TAFA2: variants seen among roughly 807,000 people sequenced by gnomAD.
TAFA2 encodes the protein TAFA chemokine like family member 2.
In TAFA2, 7 loss-of-function variants were observed where a neutral mutation model predicts 18.8. The ratio of observed to expected loss-of-function variants is 0.37; its 90% CI spans 0.21 to 0.70. The LOEUF (loss-of-function observed/expected upper bound fraction) is 0.70. Among genes scored for constraint, TAFA2 ranks in the 30% least tolerant of loss-of-function variants. The pLI is 0.53. For missense variants in TAFA2, 122 were observed against 158.1 expected, an observed-to-expected ratio of 0.77 and a Z score of 1.23; for synonymous variants, 60 against 54.2, an observed-to-expected ratio of 1.11 and a Z score of -0.47.
intron 2 of TAFA2, among the ~76,000 whole-genome samples, chr12:61,865,789 G>C (rs1874328157): frequency 6.6e-6 from 1 of 152,148 alleles, no homozygotes; most frequent in Admixed American, 6.5e-5. Flanking sequence ...ATGAACACTT[G>C]CTGTGCTAGG....
chr12:62,012,007 G>A (rs552126840), intron 1 of TAFA2, among the ~76,000 whole-genome samples: 29 of 152,218 alleles, frequency 1.9e-4, no homozygotes, highest in Non-Finnish European at 4.0e-4. Flanking sequence ...GTGTTTATAC[G>A]CTACTGACAA....
At chr12:62,194,381 C>A (rs1282182022), upstream of TAFA2, among the ~76,000 whole-genome samples, 1 of 151,780 alleles carries the variant, frequency 6.6e-6, no homozygotes, top group African/African-American at 2.4e-5. Flanking sequence ...AATTCATTAA[C>A]TTTTTGTGGT....
At chr12:62,140,917 T>G (rs1200097277) in intron 1 of TAFA2, among the ~76,000 whole-genome samples, 1 of 152,156 alleles carries the variant, frequency 6.6e-6, no homozygotes, top group Non-Finnish European at 1.5e-5. Flanking sequence ...AGAGAACAGA[T>G]GAGCCCCTGG....
At chr12:61,990,179 A>G (rs1195558912) in intron 1 of TAFA2, among the ~76,000 whole-genome samples, 1 of 152,118 alleles carries the variant, frequency 6.6e-6, no homozygotes, top group East Asian at 1.9e-4. Context: ...AGACAGCTGC[A>G]GTATAATGAA....
intron 1 of TAFA2, among the ~76,000 whole-genome samples, chr12:62,016,654 G>C (rs1315983112): frequency 6.6e-6 from 1 of 152,098 alleles, no homozygotes; most frequent in African/African-American, 2.4e-5. Flanking sequence ...AAGGCATACT[G>C]CAACAACATT....
At chr12:61,906,920 C>G (rs1162507821) in intron 1 of TAFA2, among the ~76,000 whole-genome samples, 3 of 152,020 alleles carry the variant, frequency 2.0e-5, no homozygotes, top group African/African-American at 7.2e-5. Context: ...TTTAGGGTAT[C>G]TGGCAGAAGA....
intron 1 of TAFA2, among the ~76,000 whole-genome samples, chr12:62,118,920 A>G (rs1458306288): frequency 6.6e-6 from 1 of 152,162 alleles, no homozygotes; most frequent in Non-Finnish European, 1.5e-5. Context: ...CTCTTTAATG[A>G]ACTAAAGCTT....
At chr12:61,769,032 G>A (rs140092075) in intron 2 of TAFA2, among the ~76,000 whole-genome samples, 2 of 152,032 alleles carry the variant, frequency 1.3e-5, no homozygotes, top group East Asian at 3.9e-4. Flanking sequence ...TTGTTCTTCA[G>A]GCTGCATGGA....
intron 1 of TAFA2, among the ~76,000 whole-genome samples, chr12:61,957,106 G>T (rs553759946): frequency 1.3e-5 from 2 of 152,110 alleles, no homozygotes; most frequent in South Asian, 4.1e-4. Context: ...TGTAAGTTCT[G>T]AGCTCACAAG....
At chr12:61,868,686 A>T (rs1000215552) in intron 1 of TAFA2, among the ~76,000 whole-genome samples, 38 of 152,156 alleles carry the variant, frequency 2.5e-4, no homozygotes, top group African/African-American at 9.2e-4. Context: ...GTATGACTAA[A>T]TGCATGAAAA....
At chr12:62,102,960 C>T (rs1869276107) in intron 1 of TAFA2, among the ~76,000 whole-genome samples, 1 of 152,284 alleles carries the variant, frequency 6.6e-6, no homozygotes, top group African/African-American at 2.4e-5. Context: ...ATGTTTCCCA[C>T]ATATATTCTG....
chr12:62,156,861 C>T (rs1035521567), intron 1 of TAFA2, among the ~76,000 whole-genome samples: 8 of 152,112 alleles, frequency 5.3e-5, no homozygotes, highest in African/African-American at 1.7e-4. Context: ...TAACTAAATA[C>T]CGCCTGTACC....
intron 1 of TAFA2, among the ~76,000 whole-genome samples, chr12:62,214,270 G>T (rs1023042120): frequency 1.6e-4 from 24 of 152,198 alleles, no homozygotes; most frequent in African/African-American, 5.8e-4. Flanking sequence ...GAATTACGGG[G>T]GCAGTTCTTT....
rs2062396919 is a variant in TAFA2 at position 62,160,078 on chromosome 12, G to T, written c.-2+31181C>A. Among the ~76,000 whole-genome samples the T allele has an allele frequency of 2.0e-5, 3 of 152,160 alleles. No individual in the cohort carries two copies. In the South Asian group the frequency reaches 6.2e-4, roughly 32 times the overall value. ...TCATCTGCGTGCCAGTTCCCATACA[G>T]TCCCATAGTGTTAGAGCTCAAAGAG... On this transcript the variant is annotated intron_variant, in intron 1 of 4. Transcript: ENST00000416284.
chr12:62,053,338 GT>G (rs1188763997), intron 1 of TAFA2, among the ~76,000 whole-genome samples: 1 of 151,966 alleles, frequency 6.6e-6, no homozygotes, highest in Non-Finnish European at 1.5e-5. Flanking sequence ...ATTCTGGTAT[GT>G]TTTTAAAAAT....
chr12:62,014,555 C>T (rs1051258747), intron 1 of TAFA2, among the ~76,000 whole-genome samples: 1 of 152,130 alleles, frequency 6.6e-6, no homozygotes, highest in African/African-American at 2.4e-5. Context: ...TTGCTTAACC[C>T]CGGAAGGCAG....
At chr12:62,064,206 C>T (rs1234836831) in intron 1 of TAFA2, among the ~76,000 whole-genome samples, 5 of 151,956 alleles carry the variant, frequency 3.3e-5, no homozygotes, top group Non-Finnish European at 5.9e-5. Flanking sequence ...AAAAACTTTA[C>T]CCAACAATTG....
chr12:61,955,649 A>ATATATATATATATG (rs1555178809), intron 1 of TAFA2, among the ~76,000 whole-genome samples: 29 of 77,508 alleles, frequency 3.7e-4, no homozygotes, highest in African/African-American at 1.0e-3. Context: ...ATATATATAT[A>ATATATATATATATG]TATATATATA....
At chr12:61,985,078 A>G (rs1879768042) in intron 1 of TAFA2, among the ~76,000 whole-genome samples, 1 of 152,192 alleles carries the variant, frequency 6.6e-6, no homozygotes, top group South Asian at 2.1e-4. Context: ...AGCTGATAAA[A>G]CAATTTACTT....
Sources: gnomAD v4.1 joint callset for allele counts (sites outside exome capture counted in the v4.1 genomes callset) on GRCh38, gnomAD v4.1.1 for gene constraint, MANE v1.5 for transcripts, NCBI Gene and HGNC (gene_info 2026-07-23, HGNC 2026-07-21) for gene names.